Variants in DIXDC1 observed in about 807,000 individuals in gnomAD.
DIXDC1 encodes the protein DIX domain containing 1, also known as dixin.
Under a neutral mutation model 103.1 loss-of-function variants are expected in DIXDC1, and 64 were observed. The observed-to-expected ratio is 0.62, with a 90% CI of 0.51 to 0.76. DIXDC1 has a LOEUF of 0.76. DIXDC1 is among the 30% of genes least tolerant of loss of function. The pLI is 0.00. For missense variants in DIXDC1, 759 were observed against 834.2 expected (o/e 0.91, Z 1.11); for synonymous variants, 266 against 298.5 (o/e 0.89, Z 1.12).
intron 1 of DIXDC1, among the ~76,000 whole-genome samples, chr11:111,942,629 G>A (rs117723989): frequency 1.3e-5 from 2 of 152,326 alleles, no homozygotes; most frequent in Non-Finnish European, 2.9e-5. Flanking sequence ...CACTTACCTT[G>A]TAACATGTAC....
chr11:112,005,480 G>A (rs1861206072), intron 17 of DIXDC1, among the ~76,000 whole-genome samples: 1 of 152,144 alleles, frequency 6.6e-6, no homozygotes, highest in Admixed American at 6.6e-5. Context: ...AGGATCACTT[G>A]TGCCCAGAAG....
chr11:112,002,018 A>G (rs1399591024), intron 17 of DIXDC1, among the ~76,000 whole-genome samples: 1 of 152,032 alleles, frequency 6.6e-6, no homozygotes, highest in Non-Finnish European at 1.5e-5. Flanking sequence ...CGGCCTCCCA[A>G]AGTGTTGGGA....
In DIXDC1 at chr11:111,980,622, A is replaced by C. The variant is rs587610217; in HGVS notation, c.657-115A>C. 13 of 723,370 alleles carry C rather than the reference A, an allele frequency of 1.8e-5. No homozygotes were observed. The Middle Eastern group carries it at 7.3e-4, about 41-fold the overall frequency. The allele number at this position is 723,370 out of a possible 1,614,324, so 44.8% of individuals were successfully genotyped here. On this transcript the variant is annotated intron_variant, in intron 5 of 19. Transcript: ENST00000440460. ...CTGTGGGCCAAGTACTGTGTTACCC[A>C]TGGAGGAGTAAGATGAATAAGAACA...
chr11:111,989,623 C>T (rs1286851327), intron 10 of DIXDC1, among the ~76,000 whole-genome samples: 13 of 104,938 alleles, frequency 1.2e-4, no homozygotes, highest in Non-Finnish European at 1.4e-4. Flanking sequence ...GACTCCGTCT[C>T]GGAAAAAAAA....
intron 9 of DIXDC1, among the ~76,000 whole-genome samples, chr11:111,988,572 A>G (rs1860580000): frequency 6.6e-6 from 1 of 152,160 alleles, no homozygotes; most frequent in African/African-American, 2.4e-5. Context: ...GATCAGAAAC[A>G]CTCCAACCCT....
chr11:111,964,539 T>A lies in DIXDC1; in HGVS notation c.61-10T>A. ...CTCTCTTTCCCTTACTTATATCTTTTATTTTCCAGCAACAGCTGCAGGCCT... is the reference window on the plus strand; with the variant it reads ...CTCTCTTTCCCTTACTTATATCTTTAATTTTCCAGCAACAGCTGCAGGCCT... On this transcript the variant is annotated splice_polypyrimidine_tract_variant and intron_variant, in intron 1 of 19. Coordinates refer to ENST00000440460, the MANE Select transcript of DIXDC1 (RefSeq NM_001037954.4). 1 of 1,585,474 alleles carries A rather than the reference T, an allele frequency of 6.3e-7. No individual in the cohort carries two copies. Among genetic ancestry groups the A allele is most frequent in the Non-Finnish European group, 8.6e-7 (1 of 1,165,096 alleles).
chr11:111,987,008 T>C, intron 9 of DIXDC1, 84 bp downstream of exon 9: 1 of 1,164,582 alleles, frequency 8.6e-7, no homozygotes, highest in Admixed American at 2.1e-5. Flanking sequence ...CCCAGCACTT[T>C]GAGAGGCCGA....
intron 1 of DIXDC1, among the ~76,000 whole-genome samples, chr11:111,953,351 A>G (rs1278700887): frequency 1.3e-5 from 2 of 152,016 alleles, no homozygotes; most frequent in Non-Finnish European, 2.9e-5. Context: ...ATTAAAATCA[A>G]CCAGGCCGGG....
At chr11:111,981,735 A>G (rs1462225095) in intron 6 of DIXDC1, among the ~76,000 whole-genome samples, 2 of 152,234 alleles carry the variant, frequency 1.3e-5, no homozygotes, top group Non-Finnish European at 2.9e-5. Flanking sequence ...TGCATTTTAA[A>G]TGGCTGTACA....
chr11:111,943,159 C>T (rs587627501), intron 1 of DIXDC1, among the ~76,000 whole-genome samples: 1 of 152,276 alleles, frequency 6.6e-6, no homozygotes, highest in East Asian at 1.9e-4. Flanking sequence ...TTTTTTGAGA[C>T]AGTGTCTCAC....
chr11:111,960,317 C>T (rs373744288), intron 1 of DIXDC1, among the ~76,000 whole-genome samples: 7 of 150,472 alleles, frequency 4.7e-5, no homozygotes, highest in Admixed American at 6.6e-5. Context: ...CAATTTTGGC[C>T]GGGCGCAGTG....
At chr11:111,973,572 G>A (rs1860004937) in intron 3 of DIXDC1, among the ~76,000 whole-genome samples, 1 of 152,104 alleles carries the variant, frequency 6.6e-6, no homozygotes, top group Non-Finnish European at 1.5e-5. Context: ...ATAGCTACAG[G>A]TGGCTAATGG....
chr11:111,937,252 A>G, upstream of DIXDC1: 2 of 1,248,338 alleles, frequency 1.6e-6, no homozygotes, highest in South Asian at 2.7e-5. Flanking sequence ...CGCTCAACCT[A>G]GTGCGCGCCC....
At chr11:111,986,786 T>A in intron 8 of DIXDC1, 85 bp from the exon 9 acceptor site, 7 of 1,218,072 alleles carry the variant, frequency 5.7e-6, no homozygotes, top group Non-Finnish European at 8.2e-6. Flanking sequence ...TGGCATCTAG[T>A]AGTGCTCAAT....
chr11:111,951,702 G>A (rs1035956369), intron 1 of DIXDC1, among the ~76,000 whole-genome samples: 1 of 152,184 alleles, frequency 6.6e-6, no homozygotes, highest in African/African-American at 2.4e-5. Context: ...TCATGATAGT[G>A]AATAAACCTC....
chr11:111,992,763 G>A (rs1555174680), intron 11 of DIXDC1, among the ~76,000 whole-genome samples, 188 bp from the exon 12 acceptor site: 2 of 152,150 alleles, frequency 1.3e-5, no homozygotes, highest in African/African-American at 4.8e-5. Context: ...AGATACAGAG[G>A]CAAAATTGTG....
intron 6 of DIXDC1, 175 bp from the exon 7 acceptor site, chr11:111,982,164 C>A: frequency 1.7e-6 from 1 of 578,358 alleles, no homozygotes; most frequent in South Asian, 3.0e-5. Context: ...GAGGCCTGAG[C>A]TCACAGCCAA....
intron 12 of DIXDC1, 133 bp downstream of exon 12, chr11:111,993,137 G>C: frequency 9.6e-7 from 1 of 1,044,356 alleles, no homozygotes; most frequent in Non-Finnish European, 1.4e-6. Context: ...TTTTTAGAAG[G>C]AAGCATTTTT....
chr11:111,930,964 C>T (rs587711754), intron 2 of DIXDC1, among the ~76,000 whole-genome samples: 1 of 151,240 alleles, frequency 6.6e-6, no homozygotes, highest in South Asian at 2.1e-4. Context: ...AGCGATTCTC[C>T]TGCCTCAGCC....
Sources: allele counts gnomAD v4.1 joint callset (sites outside exome capture counted in the v4.1 genomes callset), GRCh38; gene constraint gnomAD v4.1.1; transcripts MANE v1.5; gene names NCBI Gene and HGNC (gene_info 2026-07-23, HGNC 2026-07-21).